Variants in C11orf65 observed in about 807,000 individuals in gnomAD.
C11orf65 encodes chromosome 11 open reading frame 65.
A neutral mutation model predicts 35.3 loss-of-function variants in C11orf65; 38 were observed. The observed-to-expected ratio is 1.08, with a 90% CI of 0.83 to 1.41. The LOEUF (loss-of-function observed/expected upper bound fraction) is 1.41, where lower values mean the gene tolerates loss of function less well. Ranked by LOEUF, C11orf65 falls within the 40% of genes most tolerant of loss-of-function variation. C11orf65 has a pLI of 0.00. For missense variants in C11orf65, 370 were observed against 367.1 expected, an observed-to-expected ratio of 1.01 and a Z score of -0.06; for synonymous variants, 105 against 114.4, an observed-to-expected ratio of 0.92 and a Z score of 0.53.
chr11:108,409,924 C>A (rs78046058), intron 3 of C11orf65, among the ~76,000 whole-genome samples: 3,394 of 152,272 alleles, frequency 0.022, 94 homozygotes, highest in African/African-American at 0.07. Context: ...AAATTATCTT[C>A]CACTAAACCG....
chr11:108,466,588 C>T (rs989820818), intron 1 of C11orf65, among the ~76,000 whole-genome samples: 4 of 152,118 alleles, frequency 2.6e-5, no homozygotes, highest in Non-Finnish European at 1.5e-5. Flanking sequence ...CAAACAACAA[C>T]AAAAAACTAA....
At chr11:108,411,460 A>G (rs1246069553) in intron 3 of C11orf65, among the ~76,000 whole-genome samples, 1 of 152,234 alleles carries the variant, frequency 6.6e-6, no homozygotes, top group Non-Finnish European at 1.5e-5. Flanking sequence ...GACATTTTGC[A>G]GTGTTGCAAA....
chr11:108,402,240 G>A (rs1349146062), intron 6 of C11orf65, among the ~76,000 whole-genome samples: 2 of 151,958 alleles, frequency 1.3e-5, no homozygotes, highest in African/African-American at 4.8e-5. Context: ...ATGCAGAAAA[G>A]GGCCGCTTCC....
At position 108,441,398 on chromosome 11, in the gene C11orf65, G is replaced by A. The variant is rs367813113; in HGVS notation, c.82-9560C>T. 2.0e-5 allele frequency among the ~76,000 whole-genome samples: 3 copies of A among 152,256 alleles called. No homozygotes were observed. In the East Asian group the frequency reaches 5.8e-4, roughly 29 times the overall value. On this transcript the variant is annotated intron_variant, in intron 2 of 8. Coordinates refer to ENST00000393084, the MANE Select transcript of C11orf65 (RefSeq NM_152587.5). Reference sequence around the variant, plus strand: ...TCTGTAGACTCCACCTCTGGGGGCAGGGCATAGCTGAACAAAAGGCAGCAG... The same window carrying A: ...TCTGTAGACTCCACCTCTGGGGGCAAGGCATAGCTGAACAAAAGGCAGCAG...
downstream of C11orf65, chr11:108,327,795 A>G: frequency 7.0e-7 from 1 of 1,423,920 alleles, no homozygotes. Context: ...ATAGTTACTT[A>G]GCATGAATAT....
chr11:108,453,143 T>A (rs1401134325), intron 2 of C11orf65, among the ~76,000 whole-genome samples: 39 of 132,598 alleles, frequency 2.9e-4, no homozygotes, highest in Middle Eastern at 8.1e-3. Flanking sequence ...ACTTAAAGTA[T>A]AATTAAAAAA....
chr11:108,331,212 T>C (rs2086200356), downstream of C11orf65: 2 of 1,221,452 alleles, frequency 1.6e-6, no homozygotes, highest in South Asian at 4.3e-5. Context: ...TAGTTCTGAA[T>C]CCAGTTTAAT....
At chr11:108,423,958 G>A (rs886566330) in intron 3 of C11orf65, among the ~76,000 whole-genome samples, 1 of 152,126 alleles carries the variant, frequency 6.6e-6, no homozygotes, top group Admixed American at 6.5e-5. Flanking sequence ...GGAAAAACAG[G>A]CACTAAAAGG....
chr11:108,461,639 T>C (rs568297742), intron 1 of C11orf65, 71 bp from the exon 2 acceptor site: 2 of 1,046,954 alleles, frequency 1.9e-6, no homozygotes, highest in African/African-American at 3.3e-5. Flanking sequence ...TTTATTTATT[T>C]TTTTTAGAGA....
intron 6 of C11orf65, among the ~76,000 whole-genome samples, chr11:108,318,696 CA>C (rs200420593): frequency 6.6e-6 from 1 of 150,410 alleles, no homozygotes; most frequent in Non-Finnish European, 1.5e-5. Context: ...CTCAAAAAAA[CA>C]AAAAAAACAC....
Position 108,348,691 on chromosome 11 carries a change from A to G in C11orf65, c.227-13399T>C, listed in dbSNP as rs1219737375. Among the ~76,000 whole-genome samples, 2 of 152,290 alleles carry G rather than the reference A, an allele frequency of 1.3e-5. 1 individual carries two copies. Among genetic ancestry groups the G allele is most frequent in the Admixed American group, 1.3e-4 (2 of 15,296 alleles). On this transcript the variant is annotated intron_variant, in intron 2 of 3. Transcript: ENST00000524755. Reference sequence around the variant, plus strand: ...AAGAACAAAAATAATTAAAGGAAATAAGTTATCACAGGTTTCATTATTTTC... The same window carrying G: ...AAGAACAAAAATAATTAAAGGAAATGAGTTATCACAGGTTTCATTATTTTC...
chr11:108,393,076 A>G (rs896121835), intron 7 of C11orf65, 132 bp downstream of exon 7: 4 of 968,800 alleles, frequency 4.1e-6, no homozygotes, highest in East Asian at 2.5e-5. Flanking sequence ...TTCTAGACAA[A>G]TAATAGATAC....
At chr11:108,384,600 C>T (rs1280284634) in intron 8 of C11orf65, among the ~76,000 whole-genome samples, 2 of 152,010 alleles carry the variant, frequency 1.3e-5, no homozygotes, top group African/African-American at 4.8e-5. Flanking sequence ...ATGGCGAAAT[C>T]CCATCTTGAC....
chr11:108,419,344 A>G (rs1223617973), intron 3 of C11orf65, among the ~76,000 whole-genome samples: 1 of 152,176 alleles, frequency 6.6e-6, no homozygotes, highest in Non-Finnish European at 1.5e-5. Flanking sequence ...CAAAAGAAAA[A>G]TTGTATCTCA....
At chr11:108,408,171 T>C (rs1308028090) in intron 3 of C11orf65, among the ~76,000 whole-genome samples, 2 of 151,840 alleles carry the variant, frequency 1.3e-5, no homozygotes, top group African/African-American at 2.4e-5. Context: ...GAAAAAATGA[T>C]ACCAAACTGT....
At chr11:108,432,073 T>C (rs1252294199) in intron 2 of C11orf65, among the ~76,000 whole-genome samples, 1 of 152,156 alleles carries the variant, frequency 6.6e-6, no homozygotes, top group African/African-American at 2.4e-5. Flanking sequence ...CTACCAACTA[T>C]AAATGTAATA....
At chr11:108,337,110 C>T (rs2086938915) in intron 2 of C11orf65, among the ~76,000 whole-genome samples, 2 of 152,018 alleles carry the variant, frequency 1.3e-5, no homozygotes, top group African/African-American at 2.4e-5. Context: ...TTAGATCTAC[C>T]CTCCAAAATG....
At chr11:108,458,355 CA>C (rs755107073) in intron 2 of C11orf65, among the ~76,000 whole-genome samples, 272 of 35,874 alleles carry the variant, frequency 7.6e-3, no homozygotes, top group Non-Finnish European at 0.011. Context: ...GACTCTGTCT[CA>C]AAAAAAAAAA....
chr11:108,410,757 G>T (rs1236249861), intron 3 of C11orf65, among the ~76,000 whole-genome samples: 2 of 143,354 alleles, frequency 1.4e-5, no homozygotes, highest in African/African-American at 2.6e-5. Context: ...CGCTCAGTCT[G>T]GGGTGCAGTG....
Sources: allele counts gnomAD v4.1 joint callset (sites outside exome capture counted in the v4.1 genomes callset), GRCh38; gene constraint gnomAD v4.1.1; transcripts MANE v1.5; gene names NCBI Gene and HGNC (gene_info 2026-07-23, HGNC 2026-07-21).